CHST9: variants seen among roughly 807,000 people sequenced by gnomAD.
CHST9 encodes the protein carbohydrate sulfotransferase 9, also known as GalNAc-4-sulfotransferase 2.
In CHST9, 41 loss-of-function variants were observed where a neutral mutation model predicts 44.4. The ratio of observed to expected loss-of-function variants is 0.92; its 90% CI spans 0.72 to 1.20. The LOEUF (loss-of-function observed/expected upper bound fraction) is 1.20. Ranked by LOEUF, CHST9 falls within the 50% of genes most tolerant of loss-of-function variation. CHST9 has a pLI of 0.00. For missense variants in CHST9, 504 were observed against 516.5 expected (o/e 0.98, Z 0.23); for synonymous variants, 171 against 178.4 (o/e 0.96, Z 0.33).
In CHST9 at chr18:27,152,260, C is replaced by T. The variant is rs560695649; in HGVS notation, c.-96-9355G>A. On this transcript the variant is annotated intron_variant, in intron 1 of 5. Coordinates refer to ENST00000618847, the MANE Select transcript of CHST9 (RefSeq NM_031422.6). ...ATTATAATTAAAATTTTTAGCAAGACAACCCTTTGCCCTTATATTCTTTGT... is the reference window on the plus strand; with the variant it reads ...ATTATAATTAAAATTTTTAGCAAGATAACCCTTTGCCCTTATATTCTTTGT... Among the ~76,000 whole-genome samples the T allele has an allele frequency of 6.9e-4, 105 of 152,052 alleles. 2 individuals are homozygous for T. Among genetic ancestry groups the T allele is most frequent in the Non-Finnish European group, 6.8e-4 (46 of 67,990 alleles).
intron 1 of CHST9, among the ~76,000 whole-genome samples, chr18:27,162,843 C>T (rs914365466): frequency 6.6e-6 from 1 of 152,156 alleles, no homozygotes; most frequent in Non-Finnish European, 1.5e-5. Flanking sequence ...AGCTTTGTTC[C>T]GTTGCTGGTG....
intron 4 of CHST9, among the ~76,000 whole-genome samples, chr18:26,979,807 G>T (rs914982357): frequency 3.9e-5 from 6 of 152,112 alleles, no homozygotes; most frequent in African/African-American, 1.2e-4. Context: ...ATGTGTGTCT[G>T]CCCTCTAGAC....
chr18:26,972,709 G>A (rs565674356), intron 4 of CHST9, among the ~76,000 whole-genome samples: 21 of 152,312 alleles, frequency 1.4e-4, no homozygotes, highest in African/African-American at 4.8e-4. Flanking sequence ...GACTCTGGGA[G>A]GGTAAAGATG....
At chr18:26,973,956 C>G (rs1333340019) in intron 4 of CHST9, among the ~76,000 whole-genome samples, 1 of 152,186 alleles carries the variant, frequency 6.6e-6, no homozygotes, top group Non-Finnish European at 1.5e-5. Flanking sequence ...TATCATGAAT[C>G]TTGTAGGGCC....
rs940839986 is a variant in CHST9, at chr18:26,935,125, G to A, written c.240+9204C>T. The A allele has an allele frequency of 9.8e-5, 15 of 152,312 alleles. No individual in the cohort carries two copies. The Middle Eastern group carries it at 0.01, about 104-fold the overall frequency. The allele number at this position is 152,312 out of a possible 1,614,324, so 9.4% of individuals were successfully genotyped here. A position where few individuals can be genotyped will look rare whatever the true frequency, so the allele number is the denominator to read the frequency against. ...ATCTTCAGTATTTCTCTTGTATGAA[G>A]AAGGGTGATTATCTGTCAATATTCA... On this transcript the variant is annotated intron_variant, in intron 5 of 5. Coordinates refer to ENST00000618847, the MANE Select transcript of CHST9 (RefSeq NM_031422.6).
intron 5 of CHST9, among the ~76,000 whole-genome samples, chr18:26,938,620 T>A (rs1220338161): frequency 6.6e-6 from 1 of 152,198 alleles, no homozygotes; most frequent in African/African-American, 2.4e-5. Flanking sequence ...TGAAAAGTCA[T>A]CAGTGAGTGG....
chr18:27,055,582 T>C (rs1488723018), intron 2 of CHST9, among the ~76,000 whole-genome samples: 4 of 152,172 alleles, frequency 2.6e-5, no homozygotes. Flanking sequence ...TAATGCAAGA[T>C]TTTTTAGAAA....
At chr18:27,034,793 A>G (rs1023784084) in intron 3 of CHST9, among the ~76,000 whole-genome samples, 1 of 152,110 alleles carries the variant, frequency 6.6e-6, no homozygotes, top group African/African-American at 2.4e-5. Flanking sequence ...CCTGTCTACA[A>G]CTCCTCAGAA....
intron 3 of CHST9, among the ~76,000 whole-genome samples, chr18:27,047,388 T>TTG (rs55698484): frequency 0.033 from 4,811 of 145,422 alleles, 89 homozygotes; most frequent in African/African-American, 0.045. Flanking sequence ...GCCTTCATAA[T>TTG]TGTGTGTGTG....
chr18:27,053,218 G>GAAGAAGAAGAA (rs2057599065), intron 2 of CHST9, among the ~76,000 whole-genome samples: 7 of 32,322 alleles, frequency 2.2e-4, no homozygotes, highest in African/African-American at 6.9e-4. Context: ...AGGAGGAAGA[G>GAAGAAGAAGAA]GAAGAAGAAG....
intron 1 of CHST9, among the ~76,000 whole-genome samples, chr18:27,161,953 T>C (rs984528191): frequency 6.6e-6 from 1 of 151,888 alleles, no homozygotes; most frequent in African/African-American, 2.4e-5. Flanking sequence ...TTGTTTTCCA[T>C]TTGCTTGGTA....
chr18:26,988,526 A>C (rs1289452428), intron 4 of CHST9, among the ~76,000 whole-genome samples: 1 of 152,194 alleles, frequency 6.6e-6, no homozygotes, highest in Non-Finnish European at 1.5e-5. Context: ...GTCCCTAAAA[A>C]TGGAGATTCA....
intron 1 of CHST9, among the ~76,000 whole-genome samples, chr18:27,181,456 G>A (rs1206936437): frequency 6.6e-6 from 1 of 152,104 alleles, no homozygotes; most frequent in Non-Finnish European, 1.5e-5. Flanking sequence ...TTTTGATTTG[G>A]AGCATAGGTA....
At chr18:26,931,374 AT>A (rs1011653279) in intron 5 of CHST9, among the ~76,000 whole-genome samples, 1 of 152,220 alleles carries the variant, frequency 6.6e-6, no homozygotes, top group Non-Finnish European at 1.5e-5. Context: ...CACACAAGGA[AT>A]TTTCCTAGGG....
At position 26,916,988 on chromosome 18, in the gene CHST9, A is replaced by C. The variant is rs773195205; in HGVS notation, c.603T>G (p.His201Gln). The C allele has an allele frequency of 1.2e-6, 2 of 1,613,928 alleles. No homozygotes were observed. Among genetic ancestry groups the C allele is most frequent in the Admixed American group, 3.3e-5 (2 of 59,992 alleles). ...GVSHHQSHLF[H>Q]TVSRIYVEDK... ...CTTCTACATAGATTCTGGATACTGT[A>C]TGAAAAAGATGTGACTGATGATGAC... Residue 201 changes from histidine to glutamine, a missense_variant, in exon 6 of 6, where the codon CAT becomes CAG. His to Gln is a conservative substitution (Grantham distance 24). Coordinates refer to ENST00000618847, the MANE Select transcript of CHST9 (RefSeq NM_031422.6).
At chr18:27,047,688 T>C (rs949431400) in intron 3 of CHST9, among the ~76,000 whole-genome samples, 12 of 152,044 alleles carry the variant, frequency 7.9e-5, no homozygotes, top group Non-Finnish European at 1.5e-4. Context: ...TGGGAGTGAT[T>C]GGTAGCTCTT....
At chr18:26,989,126 G>A (rs1366927533) in intron 4 of CHST9, among the ~76,000 whole-genome samples, 1 of 151,922 alleles carries the variant, frequency 6.6e-6, no homozygotes, top group Non-Finnish European at 1.5e-5. Context: ...TTAAGCAGAA[G>A]AAAGGAAATA....
At chr18:27,040,323 T>C (rs1465986323) in intron 3 of CHST9, among the ~76,000 whole-genome samples, 1 of 152,140 alleles carries the variant, frequency 6.6e-6, no homozygotes, top group Non-Finnish European at 1.5e-5. Flanking sequence ...GCCAAGATAC[T>C]GGATCACGTC....
At chr18:27,062,441 T>C (rs1194990862) in intron 2 of CHST9, among the ~76,000 whole-genome samples, 1 of 152,200 alleles carries the variant, frequency 6.6e-6, no homozygotes, top group Non-Finnish European at 1.5e-5. Flanking sequence ...GATAGTTTGC[T>C]GAGAATGATG....
Sources: gnomAD v4.1 joint callset for allele counts (sites outside exome capture counted in the v4.1 genomes callset) on GRCh38, gnomAD v4.1.1 for gene constraint, MANE v1.5 for transcripts, NCBI Gene and HGNC (gene_info 2026-07-23, HGNC 2026-07-21) for gene names.